The following CLASRP variants were observed in gnomAD, a reference collection of about 807,000 sequenced individuals.
CLASRP encodes the protein CLK4-associating serine/arginine rich protein.
Under a neutral mutation model 99.9 loss-of-function variants are expected in CLASRP, and 52 were observed. The ratio of observed to expected loss-of-function variants is 0.52; its 90% CI spans 0.42 to 0.66. CLASRP has a LOEUF of 0.66. CLASRP is among the 30% of genes least tolerant of loss of function. CLASRP has a pLI of 0.00. For synonymous variants in CLASRP, 379 were observed against 373.0 expected (o/e 1.02, Z -0.18); for missense variants, 848 against 999.2 (o/e 0.85, Z 2.04).
intron 7 of CLASRP, among the ~76,000 whole-genome samples, 183 bp from the exon 8 acceptor site, chr19:45,059,085 C>T (rs1205335583): frequency 5.9e-5 from 9 of 152,168 alleles, no homozygotes; most frequent in Non-Finnish European, 8.8e-5. Flanking sequence ...GTGTTGTGCT[C>T]ACCTCTGGCA....
intron 2 of CLASRP, among the ~76,000 whole-genome samples, chr19:45,049,001 A>G (rs955853495): frequency 6.6e-6 from 1 of 152,158 alleles, no homozygotes; most frequent in Non-Finnish European, 1.5e-5. Context: ...AAGAAAAAGA[A>G]TAGTATGTTT....
At chr19:45,062,399 A>C (rs1966960498) in intron 11 of CLASRP, among the ~76,000 whole-genome samples, 1 of 152,020 alleles carries the variant, frequency 6.6e-6, no homozygotes, top group Non-Finnish European at 1.5e-5. Context: ...TTTTTTTGAG[A>C]CGGAGTCTCG....
rs1234719580 is a variant in CLASRP at position 45,067,272 on chromosome 19, AG to A, written c.1410-62del. 1 of 1,440,894 alleles carries A rather than the reference AG, an allele frequency of 6.9e-7. No individual in the cohort carries two copies. The highest frequency in any genetic ancestry group is 2.7e-5 in the Admixed American group (1 of 37,450). The allele number at this position is 1,440,894 out of a possible 1,614,324, so 89.3% of individuals were successfully genotyped here. A position where few individuals can be genotyped will look rare whatever the true frequency, so the allele number is the denominator to read the frequency against. On this transcript the variant is annotated intron_variant, in intron 13 of 20. Transcript: ENST00000221455. This position sits in a 1 kb window ranked among gnomAD's most constrained non-coding sequence, Gnocchi z 4.9. ...GAAGGAGGACTGTGGATCCGGACCCAGGGTGGGGTGCGGTTGGGGTCCCTGG... is the reference window on the plus strand; with the variant it reads ...GAAGGAGGACTGTGGATCCGGACCCAGGTGGGGTGCGGTTGGGGTCCCTGG...
At chr19:45,054,220 C>G in intron 5 of CLASRP, among the ~76,000 whole-genome samples, 1 of 152,180 alleles carries the variant, frequency 6.6e-6, no homozygotes, top group East Asian at 1.9e-4. Context: ...GCACAACCAC[C>G]TAGCAAGGTA....
intron 16 of CLASRP, among the ~76,000 whole-genome samples, 157 bp from the exon 17 acceptor site, chr19:45,068,909 G>A (rs1967163371): frequency 6.6e-6 from 1 of 151,488 alleles, no homozygotes; most frequent in South Asian, 2.1e-4. Context: ...GAGATGGCGC[G>A]AACCCGGGGG....
intron 6 of CLASRP, 58 bp downstream of exon 6, chr19:45,056,592 C>A: frequency 7.3e-7 from 1 of 1,360,726 alleles, no homozygotes; most frequent in Non-Finnish European, 1.1e-6. Context: ...GGAGCCCCAG[C>A]CAGGCATGGC....
intron 2 of CLASRP, among the ~76,000 whole-genome samples, chr19:45,042,554 C>T (rs1600091779): frequency 1.3e-5 from 2 of 151,402 alleles, no homozygotes; most frequent in Non-Finnish European, 2.9e-5. Context: ...TATACACACA[C>T]GCACACACAT....
At chr19:45,064,290 G>A (rs1020957214) in intron 12 of CLASRP, 53 bp from the exon 13 acceptor site, 1 of 1,509,454 alleles carries the variant, frequency 6.6e-7, no homozygotes, top group Non-Finnish European at 8.8e-7. Flanking sequence ...CCGGGGCAGA[G>A]GGGGGCCGCG....
At chr19:45,066,591 C>T (rs948593483) in intron 13 of CLASRP, among the ~76,000 whole-genome samples, 10 of 141,672 alleles carry the variant, frequency 7.1e-5, no homozygotes, top group Non-Finnish European at 1.2e-4. Flanking sequence ...CACCACTGCA[C>T]TCCAGCCTGG....
At chr19:45,052,711 G>C (rs1442735100) in intron 3 of CLASRP, 80 bp from the exon 4 acceptor site, 1 of 1,044,516 alleles carries the variant, frequency 9.6e-7, no homozygotes, top group Non-Finnish European at 1.4e-6. Flanking sequence ...CTAAGCCTCA[G>C]CTGGCAGGGA....
chr19:45,047,246 G>A (rs1971936022), intron 2 of CLASRP, among the ~76,000 whole-genome samples: 1 of 152,056 alleles, frequency 6.6e-6, no homozygotes. Flanking sequence ...CCCTGAAGAT[G>A]TTATGCTAAG....
intron 15 of CLASRP, 98 bp from the exon 16 acceptor site, chr19:45,068,322 C>CA: frequency 6.3e-6 from 2 of 317,358 alleles, no homozygotes; most frequent in South Asian, 3.5e-5. Context: ...CCCCCCCCCA[C>CA]CCCCCCCCCG....
intron 1 of CLASRP, 30 bp from the exon 2 acceptor site, chr19:45,040,154 T>C: frequency 7.5e-7 from 1 of 1,328,774 alleles, no homozygotes; most frequent in South Asian, 1.2e-5. Flanking sequence ...TCACAGACCA[T>C]CTGACTTTCC....
Position 45,064,041 on chromosome 19 carries a change from G to T in CLASRP, c.935G>T (p.Arg312Leu). ...CCCTCGGAGTCCAGCTCAGAGTCCC[G>T]CTCCCGCTCCCGCTCCCCGACCCCG... is the stretch of plus-strand genomic sequence containing the variant. ...RSPSESSSES[R>L]SRSRSPTPGR... The change falls in exon 12 of 21, where the codon CGC (arginine) becomes CTC (leucine). Residue 312 changes from arginine (R) to leucine (L), a missense_variant. Coordinates refer to ENST00000221455, the MANE Select transcript of CLASRP (RefSeq NM_007056.3). 6.2e-7 allele frequency: 1 copy of T among 1,611,952 alleles called. No individual in the cohort carries two copies. The highest frequency in any genetic ancestry group is 8.5e-7 in the Non-Finnish European group (1 of 1,179,530).
In CLASRP at chr19:45,053,012, A is replaced by AG. The variant is rs1484209785; in HGVS notation, c.300-81dup. The stretch of plus-strand genomic sequence containing the variant: ...CCTATTTGGTACCGCCCTGAGCCTG[A>AG]GGGGGATGCCTCATTTCCCTTCCTG... On this transcript the variant is annotated intron_variant, in intron 4 of 20. Coordinates refer to ENST00000221455, the MANE Select transcript of CLASRP (RefSeq NM_007056.3). 2.5e-5 allele frequency: 39 copies of AG among 1,550,776 alleles called. No individual in the cohort carries two copies. In the African/African-American group the frequency reaches 5.0e-4, roughly 20 times the overall value.
rs35834419 is a variant in CLASRP at position 45,066,622 on chromosome 19, CAAAAA to C, written c.1410-693_1410-689del. Among the ~76,000 whole-genome samples, 3 of 18,664 alleles carry C rather than the reference CAAAAA, an allele frequency of 1.6e-4. No individual in the cohort carries two copies. In the South Asian group the frequency reaches 5.9e-3, roughly 37 times the overall value. 12.2% of individuals were successfully genotyped at this position (18,664 alleles called of 152,430 possible). A position where few individuals can be genotyped will look rare whatever the true frequency, so the allele number is the denominator to read the frequency against. ...CCTGGGCGACAGAGAGAGACTGTCT[CAAAAA>C]AAAAAAAAAAAAAAAAAAAAAGAGC... On this transcript the variant is annotated intron_variant, in intron 13 of 20. Transcript: ENST00000221455.
chr19:45,054,382 T>C (rs1212794337), intron 5 of CLASRP, among the ~76,000 whole-genome samples: 2 of 152,202 alleles, frequency 1.3e-5, no homozygotes, highest in African/African-American at 2.4e-5. Flanking sequence ...CCCAAGTAGC[T>C]GGGATTACCG....
At chr19:45,068,574 C>T (rs933877416) in intron 16 of CLASRP, 94 bp downstream of exon 16, 3 of 998,644 alleles carry the variant, frequency 3.0e-6, no homozygotes, top group Admixed American at 1.7e-5. Flanking sequence ...GAGGCCTGGC[C>T]CTTCCCTAGA....
At chr19:45,069,976 G>A (rs1382307517) in intron 18 of CLASRP, 46 bp from the exon 19 acceptor site, 2 of 1,066,826 alleles carry the variant, frequency 1.9e-6, no homozygotes, top group South Asian at 1.2e-5. Context: ...CCTGAGTTCA[G>A]TGTGTCCAGT....
Sources: gnomAD v4.1 joint callset for allele counts (sites outside exome capture counted in the v4.1 genomes callset) on GRCh38, gnomAD v4.1.1 for gene constraint, Gnocchi (gnomAD v3.1) non-coding constraint, MANE v1.5 for transcripts, NCBI Gene and HGNC (gene_info 2026-07-23, HGNC 2026-07-21) for gene names.